The following SCAF8 variants were observed in gnomAD, a reference collection of about 807,000 sequenced individuals.
SCAF8 encodes SR-related CTD associated factor 8, also known as SR-related and CTD-associated factor 8.
SCAF8 carries 23 observed loss-of-function variants against 140.5 expected under a neutral mutation model. The ratio of observed to expected loss-of-function variants is 0.16; its 90% confidence interval spans 0.12 to 0.23. The LOEUF (loss-of-function observed/expected upper bound fraction) is 0.23, where lower values mean the gene tolerates loss of function less well. Ranked by LOEUF, SCAF8 falls within the 10% of genes least tolerant of loss-of-function variation. The probability of loss-of-function intolerance (pLI) is 1.00; values close to 1 mark genes in which losing one functional copy is unlikely to be tolerated. For synonymous variants in SCAF8, 575 were observed against 528.9 expected, an observed-to-expected ratio of 1.09 and a Z score of -1.20; for missense variants, 1,397 against 1,555.7, an observed-to-expected ratio of 0.90 and a Z score of 1.72.
At chr6:154,734,449 T>G (rs1434156048) in intron 1 of SCAF8, among the ~76,000 whole-genome samples, 1 of 152,216 alleles carries the variant, frequency 6.6e-6, no homozygotes, top group Non-Finnish European at 1.5e-5. Context: ...GTTGACTAGG[T>G]AATTTGCCAG....
intron 10 of SCAF8, 111 bp from the exon 11 acceptor site, chr6:154,808,575 G>T: frequency 1.4e-6 from 1 of 706,940 alleles, no homozygotes; most frequent in Non-Finnish European, 2.5e-6. Flanking sequence ...GGACACCCCT[G>T]TATTAGGCAT....
chr6:154,762,578 A>C (rs1447605446), intron 1 of SCAF8, among the ~76,000 whole-genome samples: 1 of 152,180 alleles, frequency 6.6e-6, no homozygotes, highest in Non-Finnish European at 1.5e-5. Flanking sequence ...GGGCTTGTAC[A>C]GGGTAGAAGT....
At chr6:154,823,989 T>C (rs942097579) in intron 16 of SCAF8, among the ~76,000 whole-genome samples, 1 of 152,208 alleles carries the variant, frequency 6.6e-6, no homozygotes, top group Non-Finnish European at 1.5e-5. Context: ...TAGGTGACCA[T>C]TAGTTTACAT....
Position 154,801,644 on chromosome 6 carries a change from C to T in SCAF8, c.607-327C>T, listed in dbSNP as rs1777774232. On this transcript the variant is annotated intron_variant, in intron 6 of 19. Transcript: ENST00000367178. ...AGCTGCTGCTATTTTCAGTACTCGT[C>T]CTTTTACTGAGTTTAAAGAGTTAAT... Among the ~76,000 whole-genome samples, 2 of 151,400 alleles carry T rather than the reference C, an allele frequency of 1.3e-5. 1 individual carries two copies. Among genetic ancestry groups the T allele is most frequent in the Non-Finnish European group, 3.0e-5 (2 of 67,770 alleles).
Position 154,803,634 on chromosome 6 carries a change from T to C in SCAF8, c.863+11T>C, listed in dbSNP as rs767491935. ...TCCAGCTTCACAACTGTAAGAATTT[T>C]TTCTTTATAGCCATAGTTTTTTTAT... is the stretch of plus-strand genomic sequence containing the variant. On this transcript the variant is annotated intron_variant, in intron 8 of 19. Transcript: ENST00000367178. 1.9e-6 allele frequency: 3 copies of C among 1,575,566 alleles called. No individual in the cohort carries two copies.
chr6:154,822,423 T>G lies in SCAF8; in HGVS notation c.1926+14T>G. On this transcript the variant is annotated intron_variant, in intron 16 of 19. Coordinates refer to ENST00000367178, the MANE Select transcript of SCAF8 (RefSeq NM_014892.5). ...GCTATGTTGCAGGTTAGTGTTGAAG[T>G]GGGGTTTTTTTTTTCTTGTGTTGTT... 1.3e-6 allele frequency: 2 copies of G among 1,580,060 alleles called. No individual in the cohort carries two copies. Among genetic ancestry groups the G allele is most frequent in the Non-Finnish European group, 1.7e-6 (2 of 1,169,272 alleles).
At chr6:154,753,641 T>TTA (rs1020201551) in intron 1 of SCAF8, among the ~76,000 whole-genome samples, 6 of 152,120 alleles carry the variant, frequency 3.9e-5, no homozygotes, top group Admixed American at 2.0e-4. Context: ...AGTGTCTATT[T>TTA]TATATATATA....
intron 1 of SCAF8, among the ~76,000 whole-genome samples, chr6:154,771,698 A>G (rs1191652145): frequency 6.6e-6 from 1 of 152,174 alleles, no homozygotes; most frequent in African/African-American, 2.4e-5. Flanking sequence ...GTACTCATGG[A>G]CATAAAGATG....
intron 1 of SCAF8, among the ~76,000 whole-genome samples, chr6:154,740,374 C>CT (rs908804168): frequency 2.0e-5 from 3 of 152,082 alleles, no homozygotes; most frequent in Non-Finnish European, 4.4e-5. Context: ...TTAAATGTTT[C>CT]TTTGGGGGCA....
intron 9 of SCAF8, among the ~76,000 whole-genome samples, chr6:154,807,132 T>C (rs924006313): frequency 1.3e-5 from 2 of 151,498 alleles, no homozygotes; most frequent in African/African-American, 2.4e-5. Context: ...GTCTCTCTCT[T>C]AGCAGAATCA....
At chr6:154,779,981 C>T (rs1409486519) in intron 3 of SCAF8, among the ~76,000 whole-genome samples, 2 of 151,980 alleles carry the variant, frequency 1.3e-5, no homozygotes, top group Non-Finnish European at 2.9e-5. Flanking sequence ...GACACACTAA[C>T]CTTATTCAGA....
Position 154,805,351 on chromosome 6 carries a change from A to T in SCAF8, c.864-18A>T. ...TTAGTGGGTTTTAAAATATGTTTCC[A>T]CCTGTTTTTCCTTTTAGTTCTCACG... On this transcript the variant is annotated intron_variant, in intron 8 of 19. Coordinates refer to ENST00000367178, the MANE Select transcript of SCAF8 (RefSeq NM_014892.5). 7.0e-7 allele frequency: 1 copy of T among 1,428,312 alleles called. No individual in the cohort carries two copies. Among genetic ancestry groups the T allele is most frequent in the Non-Finnish European group, 9.9e-7 (1 of 1,015,180 alleles). The allele number at this position is 1,428,312 out of a possible 1,614,324, so 88.5% of individuals were successfully genotyped here.
At chr6:154,792,622 C>T (rs897753079) in intron 4 of SCAF8, among the ~76,000 whole-genome samples, 4 of 152,152 alleles carry the variant, frequency 2.6e-5, no homozygotes, top group South Asian at 2.1e-4. Flanking sequence ...CTTTGTACCT[C>T]TATCCAAATT....
Position 154,824,254 on chromosome 6 carries a change from G to T in SCAF8, c.1947G>T (p.Val649=). Reference sequence around the variant, plus strand: ...AAAAGATTCCAGTGGCGCCAGCCGTGCCTACAGTTAGTTTAGTCCCACCAG... The same window carrying T: ...AAAAGATTCCAGTGGCGCCAGCCGTTCCTACAGTTAGTTTAGTCCCACCAG... ...AMLQIPVAPA[V]PTVSLVPPAF... Residue 649 remains valine, a synonymous_variant, in exon 17 of 20, where the codon GTG becomes GTT. Coordinates refer to ENST00000367178, the MANE Select transcript of SCAF8 (RefSeq NM_014892.5). 1 of 1,613,928 alleles carries T rather than the reference G, an allele frequency of 6.2e-7. No homozygotes were observed. Among genetic ancestry groups the T allele is most frequent in the Non-Finnish European group, 8.5e-7 (1 of 1,179,840 alleles).
chr6:154,743,129 TG>T (rs1778613824), intron 1 of SCAF8, among the ~76,000 whole-genome samples: 1 of 152,194 alleles, frequency 6.6e-6, no homozygotes, highest in South Asian at 2.1e-4. Flanking sequence ...ATTGCTTCTT[TG>T]CTAGGGACTA....
At position 154,833,508 on chromosome 6, in the gene SCAF8, T is replaced by A. The variant is rs1778813782; in HGVS notation, c.*113T>A. On this transcript the variant is annotated 3_prime_UTR_variant, in exon 20 of 20. Coordinates refer to ENST00000367178, the MANE Select transcript of SCAF8 (RefSeq NM_014892.5). ...TTTGTCTGCCAGAATTAAGTTAATC[T>A]GATGTTCATGTTCACCTTTCTCTTA... 4.2e-6 allele frequency: 4 copies of A among 956,154 alleles called. No homozygotes were observed. Among genetic ancestry groups the A allele is most frequent in the Non-Finnish European group, 6.2e-6 (4 of 641,346 alleles). 59.2% of individuals were successfully genotyped at this position (956,154 alleles called of 1,614,324 possible).
intron 3 of SCAF8, among the ~76,000 whole-genome samples, chr6:154,779,599 ATC>A (rs1777023303): frequency 6.6e-6 from 1 of 152,172 alleles, no homozygotes; most frequent in South Asian, 2.1e-4. Context: ...ATGTGTCAGA[ATC>A]TTAGGAAGAC....
At chr6:154,745,817 A>G (rs1200695778) in intron 1 of SCAF8, among the ~76,000 whole-genome samples, 1 of 152,068 alleles carries the variant, frequency 6.6e-6, no homozygotes, top group Non-Finnish European at 1.5e-5. Flanking sequence ...TGCATTCTCT[A>G]CAAGCTTTCC....
chr6:154,814,321 A>G (rs551706382), intron 12 of SCAF8, among the ~76,000 whole-genome samples: 3 of 152,368 alleles, frequency 2.0e-5, no homozygotes, highest in Admixed American at 2.0e-4. Flanking sequence ...TGTCTCAGAA[A>G]CAAACAAACG....
Sources: allele counts gnomAD v4.1 joint callset (sites outside exome capture counted in the v4.1 genomes callset), GRCh38; gene constraint gnomAD v4.1.1; transcripts MANE v1.5; gene names NCBI Gene and HGNC (gene_info 2026-07-23, HGNC 2026-07-21).